The following STAC variants were observed in gnomAD, a reference collection of about 807,000 sequenced individuals.
STAC encodes SH3 and cysteine-rich domain-containing protein.
In STAC, 43 loss-of-function variants were observed where a neutral mutation model predicts 48.8. The ratio of observed to expected loss-of-function variants is 0.88; its 90% CI spans 0.69 to 1.14. The LOEUF (loss-of-function observed/expected upper bound fraction) is 1.14. Among genes scored for constraint, STAC ranks in the 50% most tolerant of loss-of-function variants. The pLI is 0.00. For missense variants in STAC, 497 were observed against 504.0 expected, an observed-to-expected ratio of 0.99 and a Z score of 0.13; for synonymous variants, 193 against 179.5, an observed-to-expected ratio of 1.07 and a Z score of -0.60.
intron 2 of STAC, among the ~76,000 whole-genome samples, chr3:36,467,103 G>A (rs1054068430): frequency 2.6e-5 from 4 of 151,700 alleles, no homozygotes; most frequent in East Asian, 3.9e-4. Flanking sequence ...TGAGATGATC[G>A]TGTAATTTTC....
intron 10 of STAC, among the ~76,000 whole-genome samples, chr3:36,533,996 A>G (rs1699136396): frequency 6.6e-6 from 1 of 152,168 alleles, no homozygotes. Flanking sequence ...TACATCAGCC[A>G]TTTCAAAGAA....
intron 8 of STAC, among the ~76,000 whole-genome samples, chr3:36,525,015 T>C (rs1356745896): frequency 1.3e-5 from 2 of 152,232 alleles, no homozygotes; most frequent in Non-Finnish European, 1.5e-5. Context: ...TACAATTATA[T>C]ACTTAATAAT....
At chr3:36,501,729 A>C (rs897403422) in intron 6 of STAC, among the ~76,000 whole-genome samples, 2 of 152,172 alleles carry the variant, frequency 1.3e-5, no homozygotes, top group African/African-American at 4.8e-5. Flanking sequence ...AGGAAGAGAA[A>C]ATTTTCAGAT....
rs1359612125 is a variant in STAC, at chr3:36,483,037, G to C, written c.434G>C (p.Ser145Thr). The C allele has an allele frequency of 6.2e-7, 1 of 1,614,202 alleles. No homozygotes were observed. The highest frequency in any genetic ancestry group is 1.7e-5 in the Admixed American group (1 of 60,026). Residue 145 changes from serine (S) to threonine (T), a missense_variant, in exon 3 of 11, where the codon AGC becomes ACC. Physicochemically the swap from Ser to Thr is moderately conservative, Grantham distance 58. Coordinates refer to ENST00000273183, the MANE Select transcript of STAC (RefSeq NM_003149.3). ...HGLRCKACKM[S>T]IHHKCTDGLA... The stretch of plus-strand genomic sequence containing the variant: ...CTGCGCTGCAAAGCCTGTAAGATGA[G>C]CATCCACCACAAGTGCACAGATGGC...
intron 2 of STAC, among the ~76,000 whole-genome samples, chr3:36,479,377 A>G (rs1697584074): frequency 1.3e-5 from 2 of 152,070 alleles, no homozygotes; most frequent in African/African-American, 4.8e-5. Flanking sequence ...CCGTATCTCC[A>G]CTTGCCTTTT....
intron 1 of STAC, among the ~76,000 whole-genome samples, chr3:36,384,750 T>C (rs1699581289): frequency 6.6e-6 from 1 of 152,162 alleles, no homozygotes. Flanking sequence ...AGCCACCCAG[T>C]GCCCTAGTGG....
At chr3:36,494,151 CA>C (rs751587518) in intron 6 of STAC, among the ~76,000 whole-genome samples, 2,256 of 56,924 alleles carry the variant, frequency 0.04, 10 homozygotes, top group African/African-American at 0.059. Flanking sequence ...GACTCCGTCT[CA>C]AAAAAAAAAA....
At chr3:36,506,962 T>C (rs1370594944) in intron 8 of STAC, among the ~76,000 whole-genome samples, 1 of 152,202 alleles carries the variant, frequency 6.6e-6, no homozygotes, top group South Asian at 2.1e-4. Flanking sequence ...CAATGCTATG[T>C]TGAATAGGAG....
intron 8 of STAC, among the ~76,000 whole-genome samples, chr3:36,526,882 G>A (rs1214836664): frequency 1.3e-5 from 2 of 152,126 alleles, no homozygotes; most frequent in East Asian, 3.9e-4. Context: ...AAAATAAGCT[G>A]ACCTTTTCTC....
intron 8 of STAC, among the ~76,000 whole-genome samples, chr3:36,524,178 A>G (rs1390009372): frequency 6.6e-6 from 1 of 152,170 alleles, no homozygotes; most frequent in African/African-American, 2.4e-5. Context: ...AGAGTGGCCC[A>G]GAGTACAAGA....
At chr3:36,433,189 G>A (rs924475715) in intron 1 of STAC, among the ~76,000 whole-genome samples, 4 of 152,154 alleles carry the variant, frequency 2.6e-5, no homozygotes, top group African/African-American at 9.7e-5. Context: ...GCATGTTCCA[G>A]ATACACCGAA....
At chr3:36,405,796 C>T (rs185629439) in intron 1 of STAC, among the ~76,000 whole-genome samples, 1 of 152,292 alleles carries the variant, frequency 6.6e-6, no homozygotes, top group Admixed American at 6.5e-5. Flanking sequence ...TTATAGCGCA[C>T]TGCAGCCTCC....
At chr3:36,522,846 C>A (rs959824709) in intron 8 of STAC, among the ~76,000 whole-genome samples, 1 of 152,060 alleles carries the variant, frequency 6.6e-6, no homozygotes, top group African/African-American at 2.4e-5. Flanking sequence ...CTGGGCTGGG[C>A]GGGGGATGCC....
At chr3:36,427,358 CA>C (rs1393923200) in intron 1 of STAC, among the ~76,000 whole-genome samples, 2 of 152,194 alleles carry the variant, frequency 1.3e-5, no homozygotes, top group African/African-American at 4.8e-5. Flanking sequence ...AGGATTGCCA[CA>C]GGCCCCTAAT....
At chr3:36,485,305 T>C (rs1697774721) in intron 4 of STAC, among the ~76,000 whole-genome samples, 1 of 152,134 alleles carries the variant, frequency 6.6e-6, no homozygotes, top group Non-Finnish European at 1.5e-5. Flanking sequence ...TGATTAGTAA[T>C]TCCACCATCA....
intron 1 of STAC, among the ~76,000 whole-genome samples, chr3:36,400,949 G>C (rs1486196936): frequency 6.6e-6 from 1 of 152,200 alleles, no homozygotes; most frequent in Non-Finnish European, 1.5e-5. Context: ...AAGGAGGAAA[G>C]TGCCAGGACC....
chr3:36,489,345 C>T (rs1039077995), intron 5 of STAC, among the ~76,000 whole-genome samples: 2 of 152,092 alleles, frequency 1.3e-5, no homozygotes, highest in Non-Finnish European at 2.9e-5. Flanking sequence ...CAGAATCCTC[C>T]GGGATCCGCA....
chr3:36,527,418 A>G (rs1452231222), intron 8 of STAC, among the ~76,000 whole-genome samples: 1 of 152,160 alleles, frequency 6.6e-6, no homozygotes, highest in African/African-American at 2.4e-5. Flanking sequence ...GAACCCTTAG[A>G]AACTATTTTT....
rs139868365 is a variant in STAC, at chr3:36,443,559, C to T, written c.307C>T (p.Pro103Ser). The part of the protein sequence containing the change: ...TSTPARAGLH[P>S]GGKAHAFQEY... ...CACACCCGCCAGGGCTGGTCTGCAT[C>T]CAGGTGGCAAGGCTCATGCCTTTCA... The change falls in exon 2 of 11, where the codon CCA becomes TCA. Residue 103 changes from proline to serine, a missense_variant. Pro to Ser is a moderately conservative substitution (Grantham distance 74). Transcript: ENST00000273183. This position sits in a 1 kb window ranked among gnomAD's most constrained non-coding sequence, Gnocchi z 4.2. 2.5e-5 allele frequency: 40 copies of T among 1,614,076 alleles called. No individual in the cohort carries two copies. The highest frequency in any genetic ancestry group is 1.6e-4 in the Middle Eastern group (1 of 6,084).
Sources: allele counts gnomAD v4.1 joint callset (sites outside exome capture counted in the v4.1 genomes callset), GRCh38; gene constraint gnomAD v4.1.1; non-coding constraint Gnocchi (gnomAD v3.1); transcripts MANE v1.5; gene names NCBI Gene and HGNC (gene_info 2026-07-23, HGNC 2026-07-21).